The following CDH13 variants were observed in gnomAD, a reference collection of about 807,000 sequenced individuals.
The protein encoded by CDH13 is cadherin 13, also known as cadherin-13.
CDH13 carries 24 observed loss-of-function variants against 63.8 expected under a neutral mutation model. The ratio of observed to expected loss-of-function variants is 0.38; its 90% confidence interval spans 0.27 to 0.53. The LOEUF is 0.53. Among genes scored for constraint, CDH13 ranks in the 20% least tolerant of loss-of-function variants. CDH13 has a pLI of 0.85. For synonymous variants in CDH13, 503 were observed against 355.3 expected (o/e 1.42, Z -4.67); for missense variants, 1,049 against 903.1 (o/e 1.16, Z -2.07).
At chr16:83,122,758 T>A (rs73602296) in intron 3 of CDH13, among the ~76,000 whole-genome samples, 3,801 of 152,284 alleles carry the variant, frequency 0.025, 164 homozygotes, top group African/African-American at 0.085. Flanking sequence ...TTACCCTAGA[T>A]AAAAATTACC....
chr16:83,360,937 T>A (rs1479244160), intron 6 of CDH13, among the ~76,000 whole-genome samples: 1 of 152,194 alleles, frequency 6.6e-6, no homozygotes, highest in African/African-American at 2.4e-5. Context: ...GTCTTTTTGG[T>A]AGAACAATTT....
intron 4 of CDH13, among the ~76,000 whole-genome samples, chr16:83,155,811 A>G (rs1025446201): frequency 2.0e-5 from 3 of 152,202 alleles, no homozygotes; most frequent in African/African-American, 4.8e-5. Flanking sequence ...GCAGTAGCTC[A>G]GGTAAACACA....
chr16:82,960,435 C>T (rs1371691300), intron 2 of CDH13, among the ~76,000 whole-genome samples: 1 of 152,018 alleles, frequency 6.6e-6, no homozygotes, highest in Non-Finnish European at 1.5e-5. Flanking sequence ...CAGTGGAAAT[C>T]TTGAGTGGGT....
intron 11 of CDH13, among the ~76,000 whole-genome samples, chr16:83,756,481 G>A (rs1285777005): frequency 6.6e-6 from 1 of 152,154 alleles, no homozygotes; most frequent in African/African-American, 2.4e-5. Context: ...GGCCATATGT[G>A]GCCCAGAATG....
chr16:82,817,001 G>A (rs548375531), intron 1 of CDH13, among the ~76,000 whole-genome samples: 7 of 152,172 alleles, frequency 4.6e-5, no homozygotes, highest in South Asian at 2.1e-4. Flanking sequence ...TTAGGAAAGG[G>A]AGCTATCCCT....
chr16:83,723,639 A>G (rs1048322492), intron 10 of CDH13, among the ~76,000 whole-genome samples: 4 of 152,132 alleles, frequency 2.6e-5, no homozygotes, highest in African/African-American at 7.2e-5. Flanking sequence ...CTGTTGCCCA[A>G]TGGGACGGCT....
intron 2 of CDH13, chr16:82,858,895 T>C (rs926822698): frequency 5.3e-6 from 1 of 187,484 alleles, no homozygotes; most frequent in African/African-American, 2.3e-5. Context: ...TGACATTGGC[T>C]TCTGGGAATT....
chr16:83,266,036 A>G (rs1335830036), intron 5 of CDH13, among the ~76,000 whole-genome samples: 1 of 152,048 alleles, frequency 6.6e-6, no homozygotes, highest in Non-Finnish European at 1.5e-5. Flanking sequence ...TCCCAGCTTC[A>G]AGCGATTCTC....
chr16:82,967,273 G>C (rs1434043882), intron 2 of CDH13, among the ~76,000 whole-genome samples: 1 of 151,528 alleles, frequency 6.6e-6, no homozygotes, highest in Non-Finnish European at 1.5e-5. Context: ...CCACATTTTA[G>C]GTGATTCTCT....
intron 1 of CDH13, among the ~76,000 whole-genome samples, chr16:82,744,755 C>A (rs2034085082): frequency 6.6e-6 from 1 of 152,176 alleles, no homozygotes; most frequent in South Asian, 2.1e-4. Context: ...GCTCCACCAC[C>A]TATTTCGAGG....
intron 3 of CDH13, among the ~76,000 whole-genome samples, chr16:83,052,698 A>T (rs2030475618): frequency 6.9e-6 from 1 of 145,732 alleles, no homozygotes; most frequent in Non-Finnish European, 1.5e-5. Flanking sequence ...AATTGCTTGA[A>T]CCCAGAAGAC....
intron 2 of CDH13, among the ~76,000 whole-genome samples, chr16:82,918,557 G>T (rs2042063686): frequency 6.8e-6 from 1 of 146,502 alleles, no homozygotes; most frequent in Admixed American, 7.0e-5. Context: ...CACCCAGGCT[G>T]GAGTGCAATG....
At chr16:83,311,179 A>C (rs765830128) in intron 5 of CDH13, among the ~76,000 whole-genome samples, 1 of 152,102 alleles carries the variant, frequency 6.6e-6, no homozygotes, top group Admixed American at 6.5e-5. Flanking sequence ...TTGTCATATG[A>C]ATCAGTAGAG....
At chr16:83,043,501 GT>G (rs1194229634) in intron 3 of CDH13, among the ~76,000 whole-genome samples, 14 of 138,374 alleles carry the variant, frequency 1.0e-4, no homozygotes, top group African/African-American at 3.2e-4. Context: ...GTGTGTGTGT[GT>G]GTGTGTGTGT....
intron 8 of CDH13, among the ~76,000 whole-genome samples, chr16:83,670,036 C>G (rs1914364629): frequency 6.6e-6 from 1 of 152,128 alleles, no homozygotes; most frequent in African/African-American, 2.4e-5. Context: ...CTACTTGAAA[C>G]AAGAATTTGA....
intron 11 of CDH13, among the ~76,000 whole-genome samples, chr16:83,770,167 C>G (rs903573294): frequency 6.6e-6 from 1 of 152,116 alleles, no homozygotes; most frequent in Non-Finnish European, 1.5e-5. Flanking sequence ...AGTCCTGGTT[C>G]AGTTCTACAG....
At chr16:83,787,609 C>T (rs1244335747) in intron 13 of CDH13, among the ~76,000 whole-genome samples, 1 of 152,214 alleles carries the variant, frequency 6.6e-6, no homozygotes, top group Non-Finnish European at 1.5e-5. Flanking sequence ...ACAAGCCCAG[C>T]ACTGCCCAAA....
intron 3 of CDH13, among the ~76,000 whole-genome samples, chr16:83,105,383 G>A (rs1332018594): frequency 1.3e-5 from 2 of 152,176 alleles, no homozygotes; most frequent in African/African-American, 4.8e-5. Context: ...ATGTGAAGTC[G>A]AGGCTGAGCG....
At chr16:83,320,668 C>T (rs2090203233) in intron 5 of CDH13, among the ~76,000 whole-genome samples, 1 of 152,128 alleles carries the variant, frequency 6.6e-6, no homozygotes, top group Admixed American at 6.5e-5. Context: ...ATCATCAGTG[C>T]TGCAAGTCAA....
Sources: gnomAD v4.1 joint callset for allele counts (sites outside exome capture counted in the v4.1 genomes callset) on GRCh38, gnomAD v4.1.1 for gene constraint, MANE v1.5 for transcripts, NCBI Gene and HGNC (gene_info 2026-07-23, HGNC 2026-07-21) for gene names.